The following OR13G1 variants were observed in gnomAD, a reference collection of about 807,000 sequenced individuals.
OR13G1 encodes olfactory receptor 13G1.
For synonymous variants in OR13G1, 128 were observed against 136.2 expected, an observed-to-expected ratio of 0.94 and a Z score of 0.42; for missense variants, 369 against 385.7, an observed-to-expected ratio of 0.96 and a Z score of 0.36.
chr1:247,674,858 A>G (rs1037700217), intron 1 of OR13G1, among the ~76,000 whole-genome samples: 1 of 152,204 alleles, frequency 6.6e-6, no homozygotes. Context: ...CAAGCAAAAC[A>G]CAAAATAATA....
chr1:247,679,415 A>G (rs1200741538), intron 1 of OR13G1, among the ~76,000 whole-genome samples: 1 of 152,020 alleles, frequency 6.6e-6, no homozygotes, highest in Non-Finnish European at 1.5e-5. Context: ...AAATACTTGC[A>G]TCATCAGTAT....
chr1:247,672,365 C>A lies in OR13G1; in HGVS notation c.677G>T (p.Arg226Leu). ...GGCCTTCCTCTTGCCTTCTACTGTGCGGATACGGAGAATAGCAACAATGAT... is the reference window on the plus strand; with the variant it reads ...GGCCTTCCTCTTGCCTTCTACTGTGAGGATACGGAGAATAGCAACAATGAT... ...GFIIVAILRIRTVEGKRKAFS... is the reference protein window; with the variant it reads ...GFIIVAILRILTVEGKRKAFS... The change falls in exon 2 of 2, where the codon CGC becomes CTC. Residue 226 changes from arginine (R) to leucine (L), a missense_variant. Transcript: ENST00000642119. 1 of 1,613,826 alleles carries A rather than the reference C, an allele frequency of 6.2e-7. No individual in the cohort carries two copies. The highest frequency in any genetic ancestry group is 8.5e-7 in the Non-Finnish European group (1 of 1,179,828).
rs1037017197 is a variant in OR13G1 at position 247,671,907 on chromosome 1, A to T, written c.*211T>A. 1.9e-6 allele frequency: 1 copy of T among 535,782 alleles called. No homozygotes were observed. The highest frequency in any genetic ancestry group is 1.9e-5 in the African/African-American group (1 of 53,100). 33.2% of individuals were successfully genotyped at this position (535,782 alleles called of 1,614,324 possible). On this transcript the variant is annotated 3_prime_UTR_variant, in exon 2 of 2. Transcript: ENST00000642119. The stretch of plus-strand genomic sequence containing the variant: ...AATGTTGGAATATATATTATGACAT[A>T]TATTTATGTGAGGGTATTGTGCATA...
At position 247,672,270 on chromosome 1, in the gene OR13G1, G is replaced by A. The variant is rs117404602; in HGVS notation, c.772C>T (p.Arg258Cys). ...TCAAATGTATAGCTGGAAGCAGGGC[G>A]GATATAGGTGTAGATTACAGGAGAA... is the stretch of plus-strand genomic sequence containing the variant. ...YYSPVIYTYI[R>C]PASSYTFERD... The change falls in exon 2 of 2, where the codon CGC (arginine) becomes TGC (cysteine). Residue 258 changes from arginine to cysteine, a missense_variant. By Grantham distance (180) the Arg-to-Cys change is radical (BLOSUM62 -3). Transcript: ENST00000642119. 6.2e-5 allele frequency: 100 copies of A among 1,614,072 alleles called. No individual in the cohort carries two copies. In the East Asian group the frequency reaches 1.0e-3, roughly 17 times the overall value.
In OR13G1 at chr1:247,677,982, T is replaced by C. The variant is rs536523567; in HGVS notation, c.-239+1658A>G. Among the ~76,000 whole-genome samples, 4 of 152,210 alleles carry C rather than the reference T, an allele frequency of 2.6e-5. No individual in the cohort carries two copies. The East Asian group carries it at 7.7e-4, about 29-fold the overall frequency. ...AGCTGGGCATGGTGGCACATGCCTG[T>C]AATCCAGCTACTCAAGAGGCTGAGG... On this transcript the variant is annotated intron_variant, in intron 1 of 1. Coordinates refer to ENST00000642119, the MANE Select transcript of OR13G1 (RefSeq NM_001005487.2).
At chr1:247,676,759 C>A (rs1464052100) in intron 1 of OR13G1, among the ~76,000 whole-genome samples, 4 of 152,098 alleles carry the variant, frequency 2.6e-5, no homozygotes. Context: ...ACCCTAGCAC[C>A]CGTGATTTTT....
At position 247,673,060 on chromosome 1, in the gene OR13G1, T is replaced by C. The variant is rs1558293063; in HGVS notation, c.-19A>G. ...GATTCATCCTGCTTGGGTGATTGAA[T>C]GGCAGTAATTGCACAGAATAAACAA... On this transcript the variant is annotated 5_prime_UTR_variant, in exon 2 of 2. Transcript: ENST00000642119. 1 of 1,551,840 alleles carries C rather than the reference T, an allele frequency of 6.4e-7. No homozygotes were observed. Among genetic ancestry groups the C allele is most frequent in the Admixed American group, 1.7e-5 (1 of 57,490 alleles).
chr1:247,675,758 G>C (rs1478418577), intron 1 of OR13G1, among the ~76,000 whole-genome samples: 2 of 152,130 alleles, frequency 1.3e-5, no homozygotes, highest in Non-Finnish European at 2.9e-5. Context: ...GTGGTCAGTA[G>C]TTTCTCTTGA....
chr1:247,672,339 A>C lies in OR13G1; in HGVS notation c.703T>G (p.Phe235Val). The C allele has an allele frequency of 6.2e-7, 1 of 1,613,908 alleles. No individual in the cohort carries two copies. Among genetic ancestry groups the C allele is most frequent in the Non-Finnish European group, 8.5e-7 (1 of 1,179,852 alleles). ...GTGAGATGAGATGAGCATGTTGAGA[A>C]GGCCTTCCTCTTGCCTTCTACTGTG... is the stretch of plus-strand genomic sequence containing the variant. Reference protein sequence around the residue: ...IRTVEGKRKAFSTCSSHLTVV... With the variant: ...IRTVEGKRKAVSTCSSHLTVV... The change falls in exon 2 of 2, where the codon TTC (phenylalanine) becomes GTC (valine). Residue 235 changes from phenylalanine (F) to valine (V), a missense_variant. Phe to Val is a conservative substitution (Grantham distance 50). Coordinates refer to ENST00000642119, the MANE Select transcript of OR13G1 (RefSeq NM_001005487.2).
Position 247,673,175 on chromosome 1 carries a change from G to T in OR13G1, c.-134C>A. 1.5e-6 allele frequency: 1 copy of T among 668,468 alleles called. No individual in the cohort carries two copies. Among genetic ancestry groups the T allele is most frequent in the Non-Finnish European group, 2.5e-6 (1 of 396,188 alleles). 41.4% of individuals were successfully genotyped at this position (668,468 alleles called of 1,614,324 possible). ...TTAATTCTTGATTGGACACAACTTT[G>T]CAGCAGGAATTCCCATTTGATGGAG... On this transcript the variant is annotated 5_prime_UTR_variant, in exon 2 of 2. The change creates a premature stop within an existing upstream ORF in the 5' untranslated region. Coordinates refer to ENST00000642119, the MANE Select transcript of OR13G1 (RefSeq NM_001005487.2).
rs1193083250 is a variant in OR13G1 at position 247,679,665 on chromosome 1, T to C, written c.-264A>G. On this transcript the variant is annotated 5_prime_UTR_variant, in exon 1 of 2. The change abolishes an upstream ATG in the 5' untranslated region. Transcript: ENST00000642119. ...TGTAGTTTTTTGCAGAGTATTGTCA[T>C]GTTCAAATGGTGACCTGTATTAAAT... The C allele has an allele frequency of 6.6e-6, 1 of 152,196 alleles. No homozygotes were observed. Among genetic ancestry groups the C allele is most frequent in the African/African-American group, 2.4e-5 (1 of 41,456 alleles). 9.4% of individuals were successfully genotyped at this position (152,196 alleles called of 1,614,324 possible). A position where few individuals can be genotyped will look rare whatever the true frequency, so the allele number is the denominator to read the frequency against.
At position 247,672,117 on chromosome 1, in the gene OR13G1, A is replaced by G. The variant is rs765747447; in HGVS notation, c.*1T>C. ...AGAAGTGATGTTGCATGTTGAAACT[A>G]CTAGTGTTTCAGAAATGCAAACACC... is the stretch of plus-strand genomic sequence containing the variant. On this transcript the variant is annotated 3_prime_UTR_variant, in exon 2 of 2. Coordinates refer to ENST00000642119, the MANE Select transcript of OR13G1 (RefSeq NM_001005487.2). 7.5e-6 allele frequency: 12 copies of G among 1,608,220 alleles called. No homozygotes were observed. The South Asian group carries it at 1.3e-4, about 18-fold the overall frequency.
chr1:247,676,005 A>G (rs1659339804), intron 1 of OR13G1, among the ~76,000 whole-genome samples: 1 of 152,128 alleles, frequency 6.6e-6, no homozygotes, highest in Non-Finnish European at 1.5e-5. Flanking sequence ...TCTAGCTTAG[A>G]TTTTCTATTG....
At position 247,671,968 on chromosome 1, in the gene OR13G1, A is replaced by G. The variant is rs1333528191; in HGVS notation, c.*150T>C. The G allele has an allele frequency of 1.6e-6, 1 of 617,114 alleles. No homozygotes were observed. The highest frequency in any genetic ancestry group is 2.8e-6 in the Non-Finnish European group (1 of 354,886). 38.2% of individuals were successfully genotyped at this position (617,114 alleles called of 1,614,324 possible). A position where few individuals can be genotyped will look rare whatever the true frequency, so the allele number is the denominator to read the frequency against. On this transcript the variant is annotated 3_prime_UTR_variant, in exon 2 of 2. Transcript: ENST00000642119. ...AATATTCTTCACATAAAGAGTACAGAATTTTGGAGACAATGAGACTGCTAG... is the reference window on the plus strand; with the variant it reads ...AATATTCTTCACATAAAGAGTACAGGATTTTGGAGACAATGAGACTGCTAG...
chr1:247,672,720 C>G lies in OR13G1; in HGVS notation c.322G>C (p.Glu108Gln), dbSNP rs761261703. 1 of 1,613,978 alleles carries G rather than the reference C, an allele frequency of 6.2e-7. No individual in the cohort carries two copies. Among genetic ancestry groups the G allele is most frequent in the South Asian group, 1.1e-5 (1 of 91,058 alleles). The part of the protein sequence containing the change: ...LFLFTWSLGA[E>Q]MVLFTTMAYD... ...GCCATGGTGGTGAAGAGAACCATCTCAGCTCCCAGAGACCATGTGAACAAG... is the reference window on the plus strand; with the variant it reads ...GCCATGGTGGTGAAGAGAACCATCTGAGCTCCCAGAGACCATGTGAACAAG... Residue 108 changes from glutamate to glutamine, a missense_variant, in exon 2 of 2, where the codon GAG becomes CAG. By Grantham distance (29) the Glu-to-Gln change is conservative. Coordinates refer to ENST00000642119, the MANE Select transcript of OR13G1 (RefSeq NM_001005487.2).
In OR13G1 at chr1:247,678,246, C is replaced by G. The variant is rs147638122; in HGVS notation, c.-239+1394G>C. 3.3e-5 allele frequency among the ~76,000 whole-genome samples: 5 copies of G among 152,316 alleles called. No individual in the cohort carries two copies. The East Asian group carries it at 9.6e-4, about 29-fold the overall frequency. On this transcript the variant is annotated intron_variant, in intron 1 of 1. Transcript: ENST00000642119. ...ATCCAGGGAGTCTAATGACAAAATT[C>G]ACTCATGTTGCATTTTATAAGCCAA...
In OR13G1 at chr1:247,672,973, A is replaced by G; in HGVS notation, c.69T>C (p.Ile23=). The part of the protein sequence containing the change: ...GLTKKPELQG[I]IFLFFLIVYL... ...AGACAATGAGAAAAAAGAGGAAGATAATTCCCTGGAGTTCAGGCTTTTTGG... is the reference window on the plus strand; with the variant it reads ...AGACAATGAGAAAAAAGAGGAAGATGATTCCCTGGAGTTCAGGCTTTTTGG... Residue 23 remains isoleucine (I), a synonymous_variant, in exon 2 of 2, where the codon ATT becomes ATC. Coordinates refer to ENST00000642119, the MANE Select transcript of OR13G1 (RefSeq NM_001005487.2). 1.9e-6 allele frequency: 3 copies of G among 1,613,990 alleles called. No individual in the cohort carries two copies. Among genetic ancestry groups the G allele is most frequent in the Non-Finnish European group, 2.5e-6 (3 of 1,179,944 alleles).
chr1:247,673,383 TATATAC>T (rs1659249907), intron 1 of OR13G1, 104 bp from the exon 2 acceptor site: 3 of 258,148 alleles, frequency 1.2e-5, no homozygotes, highest in Non-Finnish European at 2.2e-5. Flanking sequence ...CATATATATA[TATATAC>T]ACACACATAT....
intron 1 of OR13G1, among the ~76,000 whole-genome samples, chr1:247,676,072 A>G (rs1008172152): frequency 3.3e-5 from 5 of 152,164 alleles, no homozygotes; most frequent in African/African-American, 9.7e-5. Context: ...ATTATAATAC[A>G]TATGGCCTAA....
Sources: gnomAD v4.1 joint callset for allele counts (sites outside exome capture counted in the v4.1 genomes callset) on GRCh38, gnomAD v4.1.1 for gene constraint, MANE v1.5 for transcripts, NCBI Gene and HGNC (gene_info 2026-07-23, HGNC 2026-07-21) for gene names.